PSAP: variants seen among roughly 807,000 people sequenced by gnomAD.
PSAP encodes the protein prosaposin, also known as precursor of saposins.
PSAP carries 25 observed loss-of-function variants against 66.0 expected under a neutral mutation model. The ratio of observed to expected loss-of-function variants is 0.38; its 90% confidence interval spans 0.28 to 0.53. The LOEUF is 0.53. Ranked by LOEUF, PSAP falls within the 20% of genes least tolerant of loss-of-function variation. The pLI, the probability that PSAP is intolerant of heterozygous loss-of-function variation, is 0.83. For synonymous variants in PSAP, 273 were observed against 258.9 expected (o/e 1.05, Z -0.52); for missense variants, 649 against 668.8 (o/e 0.97, Z 0.33).
At chr10:71,845,852 T>C (rs1167532772) in intron 1 of PSAP, among the ~76,000 whole-genome samples, 2 of 152,198 alleles carry the variant, frequency 1.3e-5, no homozygotes. Flanking sequence ...ACCTAGACTA[T>C]GAACTGCCTG....
chr10:71,838,757 G>GA (rs1318519954), intron 1 of PSAP, among the ~76,000 whole-genome samples: 2 of 151,392 alleles, frequency 1.3e-5, no homozygotes, highest in African/African-American at 4.9e-5. Context: ...GCCTGTCTCA[G>GA]AAAAAAAAGA....
intron 2 of PSAP, among the ~76,000 whole-genome samples, chr10:71,833,805 A>C (rs906652090): frequency 1.3e-5 from 2 of 152,234 alleles, no homozygotes; most frequent in Non-Finnish European, 2.9e-5. Flanking sequence ...ATGAAAAATC[A>C]GTGCTAGCTT....
chr10:71,842,871 T>A (rs1047304055), intron 1 of PSAP, among the ~76,000 whole-genome samples: 3 of 152,106 alleles, frequency 2.0e-5, no homozygotes. Context: ...AAAGATAATA[T>A]TCTATCTAAT....
At chr10:71,823,890 G>A in intron 7 of PSAP, 1 of 1,297,726 alleles carries the variant, frequency 7.7e-7, no homozygotes, top group Non-Finnish European at 1.0e-6. Flanking sequence ...ACACATACCT[G>A]ATCCTGCTGT....
chr10:71,848,391 C>A (rs1403797070), intron 1 of PSAP, among the ~76,000 whole-genome samples: 2 of 152,234 alleles, frequency 1.3e-5, no homozygotes, highest in African/African-American at 4.8e-5. Flanking sequence ...GTCTTGGGTT[C>A]TGGTCCTGGC....
intron 7 of PSAP, chr10:71,823,928 G>A (rs1314319841): frequency 2.3e-6 from 3 of 1,289,158 alleles, no homozygotes; most frequent in Non-Finnish European, 3.0e-6. Flanking sequence ...AATCGGAGGT[G>A]AAAATAAGAG....
At chr10:71,832,356 G>A (rs977402075) in intron 2 of PSAP, among the ~76,000 whole-genome samples, 6 of 152,120 alleles carry the variant, frequency 3.9e-5, no homozygotes, top group African/African-American at 1.4e-4. Context: ...TGCCTCCCAG[G>A]CATGTTAACA....
chr10:71,835,544 C>T (rs1053243805), intron 1 of PSAP, among the ~76,000 whole-genome samples: 6 of 152,054 alleles, frequency 3.9e-5, no homozygotes, highest in South Asian at 2.1e-4. Context: ...TGCACTCCAG[C>T]GGTGAGCTAC....
At chr10:71,836,814 C>A (rs1319056528) in intron 1 of PSAP, among the ~76,000 whole-genome samples, 1 of 152,246 alleles carries the variant, frequency 6.6e-6, no homozygotes, top group Non-Finnish European at 1.5e-5. Flanking sequence ...ACAACACACT[C>A]TCACAGGCCC....
At chr10:71,850,863 C>A (rs1842914634) in intron 1 of PSAP, among the ~76,000 whole-genome samples, 1 of 152,248 alleles carries the variant, frequency 6.6e-6, no homozygotes, top group African/African-American at 2.4e-5. Context: ...CTACAAGACT[C>A]ACCCACCCCC....
At chr10:71,844,049 A>T (rs1007039734) in intron 1 of PSAP, among the ~76,000 whole-genome samples, 1 of 152,264 alleles carries the variant, frequency 6.6e-6, no homozygotes, top group African/African-American at 2.4e-5. Context: ...ATATTGTTTA[A>T]GAAAACAAGA....
Position 71,816,629 on chromosome 10 carries a change from A to ACAGC in PSAP, c.*808_*811dup. On this transcript the variant is annotated 3_prime_UTR_variant, in exon 14 of 14. Coordinates refer to ENST00000394936, the MANE Select transcript of PSAP (RefSeq NM_002778.4). The stretch of plus-strand genomic sequence containing the variant: ...GGGTGCAGGCTGAAGCAGCGCCTCA[A>ACAGC]CAGCCAGGGACATGTAGGCAACACG... 2.7e-6 allele frequency: 1 copy of ACAGC among 371,902 alleles called. No homozygotes were observed. The highest frequency in any genetic ancestry group is 5.5e-6 in the Non-Finnish European group (1 of 180,512). 23.0% of individuals were successfully genotyped at this position (371,902 alleles called of 1,614,324 possible). A position where few individuals can be genotyped will look rare whatever the true frequency, so the allele number is the denominator to read the frequency against.
chr10:71,849,563 T>G (rs1749018858), intron 1 of PSAP, among the ~76,000 whole-genome samples: 1 of 151,676 alleles, frequency 6.6e-6, no homozygotes, highest in East Asian at 2.0e-4. Flanking sequence ...ACTACGCCAT[T>G]GCACCACTCC....
intron 2 of PSAP, among the ~76,000 whole-genome samples, chr10:71,832,873 C>T (rs1283104146): frequency 2.6e-5 from 4 of 151,790 alleles, no homozygotes; most frequent in South Asian, 2.1e-4. Flanking sequence ...AAAAATTAGC[C>T]GGGCATGGTG....
Position 71,827,963 on chromosome 10 carries a change from C to A in PSAP, c.720+51G>T, listed in dbSNP as rs574311235. 37 of 1,611,914 alleles carry A rather than the reference C, an allele frequency of 2.3e-5. No individual in the cohort carries two copies. The Admixed American group carries it at 3.2e-4, about 14-fold the overall frequency. ...GAACGCCCTACTCCAGCCTCCACAG[C>A]CCAACTCCCAGGCCCAGAACATCCC... On this transcript the variant is annotated intron_variant, in intron 6 of 13. Transcript: ENST00000394936.
chr10:71,838,725 C>A (rs964534429), intron 1 of PSAP, among the ~76,000 whole-genome samples: 2 of 152,096 alleles, frequency 1.3e-5, no homozygotes, highest in African/African-American at 4.8e-5. Context: ...CACTGCACTC[C>A]AGCCTGGGCA....
At chr10:71,839,366 A>G (rs893130658) in intron 1 of PSAP, among the ~76,000 whole-genome samples, 1 of 151,850 alleles carries the variant, frequency 6.6e-6, no homozygotes, top group African/African-American at 2.4e-5. Flanking sequence ...CAGCCTCCCA[A>G]CTAGCTGAGA....
At chr10:71,833,318 G>A (rs931747070) in intron 2 of PSAP, among the ~76,000 whole-genome samples, 7 of 152,084 alleles carry the variant, frequency 4.6e-5, no homozygotes, top group Non-Finnish European at 8.8e-5. Context: ...AATTAGCCAG[G>A]CATACTGGTC....
rs1210699065 is a variant in PSAP, at chr10:71,831,181, T to C, written c.320A>G (p.Lys107Arg). ...LPKPNMSASC[K>R]EIVDSYLPVI... is the part of the protein sequence containing the mutation. ...AGGGAGGTAGGAGTCCACTATCTCC[T>C]TGCATGAAGCAGACATGTTCGGTTT... Residue 107 changes from lysine to arginine, a missense_variant, in exon 4 of 14, where the codon AAG (lysine) becomes AGG (arginine). Lys to Arg is a conservative substitution (Grantham distance 26). Coordinates refer to ENST00000394936, the MANE Select transcript of PSAP (RefSeq NM_002778.4). 7 of 1,614,110 alleles carry C rather than the reference T, an allele frequency of 4.3e-6. No homozygotes were observed. The highest frequency in any genetic ancestry group is 5.9e-6 in the Non-Finnish European group (7 of 1,179,996).
Sources: allele counts gnomAD v4.1 joint callset (sites outside exome capture counted in the v4.1 genomes callset), GRCh38; gene constraint gnomAD v4.1.1; transcripts MANE v1.5; gene names NCBI Gene and HGNC (gene_info 2026-07-23, HGNC 2026-07-21).